Variants in CNTNAP5 observed in about 807,000 individuals in gnomAD.
CNTNAP5 encodes the protein contactin associated protein family member 5, also known as contactin-associated protein-like 5.
In CNTNAP5, 72 loss-of-function variants were observed where a neutral mutation model predicts 150.2. The ratio of observed to expected loss-of-function variants is 0.48; its 90% CI spans 0.40 to 0.58. The LOEUF (loss-of-function observed/expected upper bound fraction) is 0.58, where lower values mean the gene tolerates loss of function less well. Ranked by LOEUF, CNTNAP5 falls within the 20% of genes least tolerant of loss-of-function variation. The pLI, the probability that CNTNAP5 is intolerant of heterozygous loss-of-function variation, is 0.00. For missense variants in CNTNAP5, 1,636 were observed against 1,626.2 expected, an observed-to-expected ratio of 1.01 and a Z score of -0.10; for synonymous variants, 672 against 619.8, an observed-to-expected ratio of 1.08 and a Z score of -1.25.
intron 1 of CNTNAP5, among the ~76,000 whole-genome samples, chr2:124,188,411 T>TA (rs1685380587): frequency 6.6e-6 from 1 of 151,914 alleles, no homozygotes; most frequent in Admixed American, 6.6e-5. Flanking sequence ...CATCTATTTA[T>TA]AAAAGAAGGA....
intron 3 of CNTNAP5, among the ~76,000 whole-genome samples, chr2:124,341,227 C>G: frequency 6.6e-6 from 1 of 151,896 alleles, no homozygotes; most frequent in Non-Finnish European, 1.5e-5. Flanking sequence ...AGAAGTTTGC[C>G]CAGTCAGACA....
intron 1 of CNTNAP5, among the ~76,000 whole-genome samples, chr2:124,189,376 G>T (rs934828707): frequency 6.6e-6 from 1 of 152,124 alleles, no homozygotes; most frequent in Admixed American, 6.5e-5. Context: ...ACCCTGTGAG[G>T]TTTGGAGGTG....
Position 124,521,125 on chromosome 2 carries a change from C to G in CNTNAP5, c.1328-3178C>G, listed in dbSNP as rs182035231. Among the ~76,000 whole-genome samples the G allele has an allele frequency of 5.6e-4, 85 of 152,256 alleles. No individual in the cohort carries two copies. In the Middle Eastern group the frequency reaches 0.017, roughly 30 times the overall value. On this transcript the variant is annotated intron_variant, in intron 8 of 23. Coordinates refer to ENST00000682447, the MANE Select transcript of CNTNAP5 (RefSeq NM_001367498.1). ...TTCTGACACCTCCAATGACATGGCT[C>G]CTGACCCTGGCTGCAAACAGAATCC...
At chr2:124,697,049 C>T (rs1437735746) in intron 13 of CNTNAP5, among the ~76,000 whole-genome samples, 10 of 152,032 alleles carry the variant, frequency 6.6e-5, no homozygotes, top group Admixed American at 6.6e-5. Context: ...CATGGATCCA[C>T]TTAATAATAA....
At chr2:124,581,635 G>A (rs1311123213) in intron 11 of CNTNAP5, among the ~76,000 whole-genome samples, 1 of 152,142 alleles carries the variant, frequency 6.6e-6, no homozygotes, top group Non-Finnish European at 1.5e-5. Context: ...AAGCTGAAAT[G>A]GAACAAAAAG....
intron 3 of CNTNAP5, among the ~76,000 whole-genome samples, chr2:124,381,458 T>A (rs985248671): frequency 5.9e-5 from 9 of 151,954 alleles, no homozygotes; most frequent in Admixed American, 1.3e-4. Context: ...TTAAAAGTAA[T>A]CACATTGGGA....
At chr2:124,051,365 A>G (rs1681691013) in intron 1 of CNTNAP5, among the ~76,000 whole-genome samples, 4 of 152,184 alleles carry the variant, frequency 2.6e-5, no homozygotes, top group Admixed American at 2.6e-4. Context: ...TGTTTTTCCC[A>G]GAGTATTTGA....
chr2:124,747,736 C>T (rs1209001398), intron 14 of CNTNAP5, among the ~76,000 whole-genome samples: 4 of 145,206 alleles, frequency 2.8e-5, no homozygotes, highest in Non-Finnish European at 6.0e-5. Flanking sequence ...TTTCCTGCCT[C>T]AGCCTCCTGA....
intron 2 of CNTNAP5, among the ~76,000 whole-genome samples, chr2:124,234,428 C>T (rs1050590097): frequency 6.6e-6 from 1 of 152,188 alleles, no homozygotes; most frequent in African/African-American, 2.4e-5. Flanking sequence ...AACGTGGCTA[C>T]TGTGACTAAG....
chr2:124,277,949 G>A (rs1687922643), intron 3 of CNTNAP5, among the ~76,000 whole-genome samples: 1 of 152,130 alleles, frequency 6.6e-6, no homozygotes, highest in South Asian at 2.1e-4. Flanking sequence ...TTCCCATCAA[G>A]TGCCCCTGTT....
chr2:124,859,519 G>A (rs1677463468), intron 19 of CNTNAP5, among the ~76,000 whole-genome samples: 1 of 152,192 alleles, frequency 6.6e-6, no homozygotes, highest in African/African-American at 2.4e-5. Context: ...CAGGGATCTA[G>A]AACTAGAAAT....
In CNTNAP5 at chr2:124,839,448, C is replaced by CT. The variant is rs1558795895; in HGVS notation, c.3218-25858_3218-25857insT. 4.0e-3 allele frequency among the ~76,000 whole-genome samples: 595 copies of CT among 149,202 alleles called. 6 individuals carry two copies. The highest frequency in any genetic ancestry group is 0.014 in the African/African-American group (559 of 40,150). On this transcript the variant is annotated intron_variant, in intron 19 of 23. Transcript: ENST00000682447. The stretch of plus-strand genomic sequence containing the variant: ...CACACTCTCTCTCTCTCTCTCTCTC[C>CT]CTTTCCCCCTCTCTCTTTACTCTCC...
At chr2:124,506,387 A>T (rs1474353922) in intron 8 of CNTNAP5, among the ~76,000 whole-genome samples, 1 of 152,168 alleles carries the variant, frequency 6.6e-6, no homozygotes, top group South Asian at 2.1e-4. Flanking sequence ...CCTTGAGCTC[A>T]GGGGAAGGGT....
At chr2:124,740,206 G>T (rs942492755) in intron 13 of CNTNAP5, among the ~76,000 whole-genome samples, 1 of 151,842 alleles carries the variant, frequency 6.6e-6, no homozygotes, top group Non-Finnish European at 1.5e-5. Context: ...TTGCAACTTT[G>T]CATCATTCTA....
chr2:124,340,496 T>A (rs1689583029), intron 3 of CNTNAP5, among the ~76,000 whole-genome samples: 1 of 152,042 alleles, frequency 6.6e-6, no homozygotes, highest in Non-Finnish European at 1.5e-5. Flanking sequence ...TATACCATAC[T>A]CTGAAACAAA....
intron 13 of CNTNAP5, among the ~76,000 whole-genome samples, chr2:124,715,940 C>T (rs749442941): frequency 1.2e-4 from 18 of 152,092 alleles, no homozygotes; most frequent in Non-Finnish European, 8.8e-5. Flanking sequence ...CAAGGTGACC[C>T]TCCCATTGAA....
rs72842196 is a variant in CNTNAP5, at chr2:124,239,247, A to G, written c.188-2953A>G. On this transcript the variant is annotated intron_variant, in intron 2 of 23. Transcript: ENST00000682447. The stretch of plus-strand genomic sequence containing the variant: ...GCTTTGATCAGTCTTTTGTTATTTT[A>G]TTCTTTGCAAGCTAAATTTCTTGTC... Among the ~76,000 whole-genome samples the G allele has an allele frequency of 2.9e-3, 436 of 152,110 alleles. 1 individual carries two copies. Among genetic ancestry groups the G allele is most frequent in the Non-Finnish European group, 5.3e-3 (363 of 67,962 alleles).
intron 1 of CNTNAP5, among the ~76,000 whole-genome samples, chr2:124,071,847 G>A (rs1682312570): frequency 6.6e-6 from 1 of 151,808 alleles, no homozygotes; most frequent in African/African-American, 2.4e-5. Context: ...GAGGAAAAGA[G>A]AATACTTTCA....
chr2:124,321,543 C>T lies in CNTNAP5; in HGVS notation c.381+79150C>T, dbSNP rs753084833. ...TAAAAAAGGGGAAAAGTATAAATTC[C>T]ACTATGAATTTTTTTGAAAAATAAA... On this transcript the variant is annotated intron_variant, in intron 3 of 23. Coordinates refer to ENST00000682447, the MANE Select transcript of CNTNAP5 (RefSeq NM_001367498.1). Among the ~76,000 whole-genome samples, 119 of 152,084 alleles carry T rather than the reference C, an allele frequency of 7.8e-4. 1 individual carries two copies. The highest frequency in any genetic ancestry group is 8.8e-4 in the Non-Finnish European group (60 of 67,980).
Sources: gnomAD v4.1 joint callset for allele counts (sites outside exome capture counted in the v4.1 genomes callset) on GRCh38, gnomAD v4.1.1 for gene constraint, MANE v1.5 for transcripts, NCBI Gene and HGNC (gene_info 2026-07-23, HGNC 2026-07-21) for gene names.